Variants in CPEB3 observed in about 807,000 individuals in gnomAD.
CPEB3 encodes the protein cytoplasmic polyadenylation element binding protein 3, also known as cytoplasmic polyadenylation element-binding protein 3.
A neutral mutation model predicts 67.2 loss-of-function variants in CPEB3; 20 were observed. The ratio of observed to expected loss-of-function variants is 0.30; its 90% CI spans 0.21 to 0.43. The LOEUF is 0.43. Ranked by LOEUF, CPEB3 falls within the 20% of genes least tolerant of loss-of-function variation. The probability of loss-of-function intolerance (pLI) is 1.00; values close to 1 mark genes in which losing one functional copy is unlikely to be tolerated. For missense variants in CPEB3, 746 were observed against 968.6 expected, an observed-to-expected ratio of 0.77 and a Z score of 3.05; for synonymous variants, 376 against 393.1, an observed-to-expected ratio of 0.96 and a Z score of 0.51.
chr10:92,089,851 T>C lies in CPEB3; in HGVS notation c.1687+1979A>G, dbSNP rs181720242. ...TCTAGTCAGGGAACACAAAATCCCA[T>C]TTCTTACTAGACAACTAAATATAAT... On this transcript the variant is annotated intron_variant, in intron 8 of 9. Transcript: ENST00000265997. 1.1e-4 allele frequency among the ~76,000 whole-genome samples: 17 copies of C among 152,260 alleles called. No individual in the cohort carries two copies. In the East Asian group the frequency reaches 3.3e-3, roughly 29 times the overall value.
intron 4 of CPEB3, among the ~76,000 whole-genome samples, chr10:92,178,169 T>TG (rs1291895944): frequency 6.6e-6 from 1 of 151,696 alleles, no homozygotes; most frequent in East Asian, 1.9e-4. Context: ...TCCTTTTTTT[T>TG]TTTTTTTTAG....
intron 8 of CPEB3, among the ~76,000 whole-genome samples, chr10:92,085,924 T>G (rs1475824200): frequency 1.3e-5 from 2 of 152,154 alleles, no homozygotes; most frequent in Non-Finnish European, 2.9e-5. Flanking sequence ...CCCAATTCTT[T>G]ACAAAGATGT....
intron 9 of CPEB3, among the ~76,000 whole-genome samples, chr10:92,062,495 G>T (rs1842393939): frequency 6.6e-6 from 1 of 152,070 alleles, no homozygotes; most frequent in South Asian, 2.1e-4. Flanking sequence ...TTTATGGAGT[G>T]CCTGTTCCTT....
chr10:92,194,007 A>G (rs1243980728), intron 2 of CPEB3, among the ~76,000 whole-genome samples: 1 of 151,792 alleles, frequency 6.6e-6, no homozygotes, highest in East Asian at 2.0e-4. Flanking sequence ...CGTGTTAGAC[A>G]GGATGATCTT....
intron 9 of CPEB3, among the ~76,000 whole-genome samples, chr10:92,073,464 G>A (rs974204812): frequency 2.6e-5 from 4 of 152,002 alleles, no homozygotes; most frequent in Admixed American, 6.5e-5. Flanking sequence ...GACCAGCCTG[G>A]CCAACGTGGC....
At chr10:92,247,501 G>A (rs879285745) in intron 1 of CPEB3, among the ~76,000 whole-genome samples, 1 of 151,972 alleles carries the variant, frequency 6.6e-6, no homozygotes, top group Non-Finnish European at 1.5e-5. Context: ...CAGGTCAAGC[G>A]ATTCTCCTGC....
chr10:92,118,854 T>C, intron 6 of CPEB3: 1 of 791,430 alleles, frequency 1.3e-6, no homozygotes, highest in African/African-American at 1.7e-5. Flanking sequence ...CCCATGGCAA[T>C]GGCCATCTGC....
intron 5 of CPEB3, among the ~76,000 whole-genome samples, chr10:92,144,601 T>C (rs1247442204): frequency 6.6e-6 from 1 of 152,214 alleles, no homozygotes; most frequent in African/African-American, 2.4e-5. Flanking sequence ...TTTGGTGTGA[T>C]GCACATGAGC....
At chr10:92,210,900 G>C (rs1164992150) in intron 2 of CPEB3, among the ~76,000 whole-genome samples, 1 of 152,122 alleles carries the variant, frequency 6.6e-6, no homozygotes, top group African/African-American at 2.4e-5. Context: ...AGCCAGGCGT[G>C]GTGGCACATG....
intron 3 of CPEB3, among the ~76,000 whole-genome samples, chr10:92,190,526 G>A (rs1194456869): frequency 6.6e-6 from 1 of 151,600 alleles, no homozygotes; most frequent in African/African-American, 2.4e-5. Flanking sequence ...TTAGCTGGGT[G>A]TAGTGGCACA....
intron 9 of CPEB3, among the ~76,000 whole-genome samples, chr10:92,067,720 AG>A (rs1374346667): frequency 6.6e-6 from 1 of 152,124 alleles, no homozygotes; most frequent in Non-Finnish European, 1.5e-5. Flanking sequence ...CAGGAGGCTG[AG>A]GCAGGAGAAC....
intron 6 of CPEB3, among the ~76,000 whole-genome samples, chr10:92,142,042 A>AC (rs1245462634): frequency 8.6e-5 from 13 of 151,380 alleles, no homozygotes; most frequent in African/African-American, 2.7e-4. Context: ...ATAAAAACAA[A>AC]AAAAAAAAAA....
intron 9 of CPEB3, among the ~76,000 whole-genome samples, chr10:92,053,236 C>G (rs1222421287): frequency 6.6e-6 from 1 of 152,074 alleles, no homozygotes; most frequent in Non-Finnish European, 1.5e-5. Context: ...TTTAGGGAAC[C>G]TTTTTAAATC....
chr10:92,225,821 G>A (rs982142274), intron 2 of CPEB3, among the ~76,000 whole-genome samples: 3 of 152,176 alleles, frequency 2.0e-5, no homozygotes, highest in Non-Finnish European at 4.4e-5. Context: ...GCAATTGGCC[G>A]GGTGCAGTGG....
chr10:92,161,993 C>A (rs991552933), intron 4 of CPEB3, among the ~76,000 whole-genome samples: 10 of 152,148 alleles, frequency 6.6e-5, no homozygotes, highest in Non-Finnish European at 1.2e-4. Context: ...AGTAATGTGA[C>A]TTATTTCATC....
chr10:92,091,650 A>G (rs1007064660), intron 8 of CPEB3, among the ~76,000 whole-genome samples, 180 bp downstream of exon 8: 29 of 152,234 alleles, frequency 1.9e-4, no homozygotes, highest in African/African-American at 5.8e-4. Context: ...GCACCATAAC[A>G]AAATAGAGCA....
intron 2 of CPEB3, among the ~76,000 whole-genome samples, chr10:92,232,496 C>A (rs1442083821): frequency 1.3e-5 from 2 of 152,040 alleles, no homozygotes; most frequent in East Asian, 3.9e-4. Flanking sequence ...TGGTGGCTCA[C>A]ACCTGTAATC....
intron 2 of CPEB3, among the ~76,000 whole-genome samples, chr10:92,226,019 C>T (rs1850954119): frequency 6.6e-6 from 1 of 152,140 alleles, no homozygotes; most frequent in Admixed American, 6.6e-5. Context: ...ATTGCTTGAA[C>T]CCAGGAGGCG....
intron 6 of CPEB3, 109 bp downstream of exon 6, chr10:92,142,920 T>G (rs978575485): frequency 1.2e-5 from 8 of 684,694 alleles, no homozygotes; most frequent in Non-Finnish European, 2.0e-5. Flanking sequence ...TTTTCCTAAT[T>G]GGGGGAAAAA....
Sources: allele counts gnomAD v4.1 joint callset (sites outside exome capture counted in the v4.1 genomes callset), GRCh38; gene constraint gnomAD v4.1.1; transcripts MANE v1.5; gene names NCBI Gene and HGNC (gene_info 2026-07-23, HGNC 2026-07-21).